Variants in RALYL observed in about 807,000 individuals in gnomAD.
RALYL encodes the protein RALY RNA binding protein like.
A neutral mutation model predicts 35.1 loss-of-function variants in RALYL; 29 were observed. The observed-to-expected ratio is 0.83, with a 90% CI of 0.61 to 1.13. The LOEUF is 1.13. Ranked by LOEUF, RALYL falls within the 50% of genes most tolerant of loss-of-function variation. The probability of loss-of-function intolerance (pLI) is 0.00; values close to 1 mark genes in which losing one functional copy is unlikely to be tolerated. For missense variants in RALYL, 359 were observed against 360.4 expected, an observed-to-expected ratio of 1.00 and a Z score of 0.03; for synonymous variants, 120 against 127.6, an observed-to-expected ratio of 0.94 and a Z score of 0.40.
At chr8:84,715,748 T>C (rs753242080) in intron 2 of RALYL, among the ~76,000 whole-genome samples, 2 of 152,110 alleles carry the variant, frequency 1.3e-5, no homozygotes, top group African/African-American at 2.4e-5. Context: ...CATAACCTTT[T>C]GATTCATTTT....
chr8:84,332,667 A>T (rs1847060084), intron 1 of RALYL, among the ~76,000 whole-genome samples: 1 of 152,160 alleles, frequency 6.6e-6, no homozygotes, highest in Middle Eastern at 3.2e-3. Flanking sequence ...TATAATTTTT[A>T]AACTCCTACC....
chr8:84,364,509 T>G (rs1328409496), intron 1 of RALYL, among the ~76,000 whole-genome samples: 3 of 149,096 alleles, frequency 2.0e-5, no homozygotes, highest in Non-Finnish European at 4.4e-5. Flanking sequence ...ATTCTTATTC[T>G]TAGCTTATTC....
intron 1 of RALYL, among the ~76,000 whole-genome samples, chr8:84,200,476 TC>T (rs1816586857): frequency 6.6e-6 from 1 of 152,168 alleles, no homozygotes; most frequent in Admixed American, 6.5e-5. Flanking sequence ...AAAGGAAGTG[TC>T]CTAAGACTAA....
intron 1 of RALYL, 73 bp from the exon 2 acceptor site, chr8:84,529,226 G>A (rs895530212): frequency 1.2e-5 from 18 of 1,471,850 alleles, no homozygotes; most frequent in Non-Finnish European, 1.5e-5. Context: ...CTGTTAAAAA[G>A]CCACTGATAC....
At chr8:84,522,709 T>G (rs1393409570) in intron 1 of RALYL, among the ~76,000 whole-genome samples, 1 of 152,208 alleles carries the variant, frequency 6.6e-6, no homozygotes, top group Non-Finnish European at 1.5e-5. Flanking sequence ...CTTAAAGTAC[T>G]CACTTGAGTA....
At chr8:84,270,605 A>G (rs1834119692) in intron 1 of RALYL, among the ~76,000 whole-genome samples, 1 of 151,526 alleles carries the variant, frequency 6.6e-6, no homozygotes, top group African/African-American at 2.4e-5. Flanking sequence ...ATTTTCACAT[A>G]TCTTTCTATA....
intron 2 of RALYL, among the ~76,000 whole-genome samples, chr8:84,605,382 C>G (rs557784036): frequency 1.3e-5 from 2 of 152,184 alleles, no homozygotes; most frequent in South Asian, 4.1e-4. Flanking sequence ...CCAACATTTG[C>G]TCTTTTTGAC....
intron 1 of RALYL, among the ~76,000 whole-genome samples, chr8:84,392,886 CA>C (rs1162826850): frequency 6.6e-6 from 1 of 152,042 alleles, no homozygotes; most frequent in Non-Finnish European, 1.5e-5. Context: ...TTATCATCTA[CA>C]TAGAATAATA....
At chr8:84,366,763 C>CA (rs1166208925) in intron 1 of RALYL, among the ~76,000 whole-genome samples, 1,393 of 56,590 alleles carry the variant, frequency 0.025, 221 homozygotes, top group South Asian at 0.034. Flanking sequence ...ATTTTTGTCT[C>CA]AAAAAAAAAA....
chr8:84,428,645 A>G (rs1223056140), intron 1 of RALYL, among the ~76,000 whole-genome samples: 1 of 152,152 alleles, frequency 6.6e-6, no homozygotes, highest in Non-Finnish European at 1.5e-5. Context: ...GTCCTTTTCT[A>G]ACCTTTACTT....
chr8:84,362,688 A>T (rs1319723738), intron 1 of RALYL, among the ~76,000 whole-genome samples: 4 of 151,854 alleles, frequency 2.6e-5, no homozygotes, highest in South Asian at 2.1e-4. Context: ...CATCTCCCCA[A>T]CCCCTAGTCC....
At chr8:84,854,707 A>G (rs1379519696) in intron 5 of RALYL, among the ~76,000 whole-genome samples, 1 of 152,234 alleles carries the variant, frequency 6.6e-6, no homozygotes, top group East Asian at 1.9e-4. Context: ...CTGAAAACGC[A>G]AAAAGACAAC....
chr8:84,613,656 T>C (rs1818805098), intron 2 of RALYL, among the ~76,000 whole-genome samples: 1 of 151,486 alleles, frequency 6.6e-6, no homozygotes, highest in Admixed American at 6.6e-5. Context: ...TATCCATTTT[T>C]ATCACTTATA....
At chr8:84,816,493 T>TA (rs544582797) in intron 4 of RALYL, among the ~76,000 whole-genome samples, 102 of 152,004 alleles carry the variant, frequency 6.7e-4, no homozygotes, top group Non-Finnish European at 1.2e-3. Flanking sequence ...TTACATTGGT[T>TA]AAAAAAAACT....
At chr8:84,818,877 A>C (rs963211102) in intron 4 of RALYL, among the ~76,000 whole-genome samples, 2 of 152,158 alleles carry the variant, frequency 1.3e-5, no homozygotes, top group East Asian at 3.8e-4. Context: ...TGGTGTCTTA[A>C]AGTTTTCTCA....
chr8:84,282,745 TGC>T lies in RALYL; in HGVS notation c.-24+98323_-24+98324del, dbSNP rs1197160211. ...ATATATATGTATCTATATATGTGTATGCGTGTGTGTGTGTGTGTGTGTGTGTG... is the reference window on the plus strand; with the variant it reads ...ATATATATGTATCTATATATGTGTATGTGTGTGTGTGTGTGTGTGTGTGTG... On this transcript the variant is annotated intron_variant, in intron 1 of 8. Transcript: ENST00000521268. 3.7e-4 allele frequency among the ~76,000 whole-genome samples: 15 copies of T among 40,950 alleles called. No individual in the cohort carries two copies. In the East Asian group the frequency reaches 3.9e-3, roughly 11 times the overall value. 26.9% of individuals were successfully genotyped at this position (40,950 alleles called of 152,430 possible).
chr8:84,796,416 A>G lies in RALYL; in HGVS notation c.333-8354A>G, dbSNP rs943252581. On this transcript the variant is annotated intron_variant, in intron 3 of 8. Coordinates refer to ENST00000521268, the MANE Select transcript of RALYL (RefSeq NM_173848.7). ...TCTCAGAATTCACCTACAGTTATCC[A>G]TGAATATCCTTTCCCTATTACATAA... Among the ~76,000 whole-genome samples, 7 of 152,348 alleles carry G rather than the reference A, an allele frequency of 4.6e-5. No individual in the cohort carries two copies. In the South Asian group the frequency reaches 8.3e-4, roughly 18 times the overall value.
At chr8:84,791,779 T>C (rs992684306) in intron 3 of RALYL, among the ~76,000 whole-genome samples, 5 of 152,224 alleles carry the variant, frequency 3.3e-5, no homozygotes, top group African/African-American at 4.8e-5. Flanking sequence ...CGTAGCAAGA[T>C]TTATTAACTT....
At chr8:84,481,879 A>T (rs1249901886) in intron 1 of RALYL, among the ~76,000 whole-genome samples, 1 of 152,124 alleles carries the variant, frequency 6.6e-6, no homozygotes, top group Non-Finnish European at 1.5e-5. Flanking sequence ...CTATATTGTG[A>T]TTGGATGCTG....
Sources: allele counts gnomAD v4.1 joint callset (sites outside exome capture counted in the v4.1 genomes callset), GRCh38; gene constraint gnomAD v4.1.1; transcripts MANE v1.5; gene names NCBI Gene and HGNC (gene_info 2026-07-23, HGNC 2026-07-21).